Variants in CABLES2 observed in about 807,000 individuals in gnomAD.
CABLES2 encodes Cdk5 and Abl enzyme substrate 2.
CABLES2 carries 35 observed loss-of-function variants against 44.8 expected under a neutral mutation model. The ratio of observed to expected loss-of-function variants is 0.78; its 90% CI spans 0.60 to 1.04. The LOEUF (loss-of-function observed/expected upper bound fraction) is 1.04. Ranked by LOEUF, CABLES2 falls within the 50% of genes least tolerant of loss-of-function variation. The pLI is 0.00. For synonymous variants in CABLES2, 282 were observed against 281.1 expected, an observed-to-expected ratio of 1.00 and a Z score of -0.03; for missense variants, 566 against 615.7, an observed-to-expected ratio of 0.92 and a Z score of 0.85.
chr20:62,397,983 G>GT (rs1569017271), intron 1 of CABLES2, among the ~76,000 whole-genome samples: 1 of 68,668 alleles, frequency 1.5e-5, no homozygotes, highest in African/African-American at 7.3e-5. Context: ...AGTGGTGATG[G>GT]CGGTGGTGGT....
intron 1 of CABLES2, among the ~76,000 whole-genome samples, chr20:62,401,266 G>A (rs552034106): frequency 6.6e-6 from 1 of 152,348 alleles, no homozygotes; most frequent in Admixed American, 6.5e-5. Flanking sequence ...AGGGCAGGGC[G>A]GCCAAGTGGG....
chr20:62,397,487 C>A (rs1272324892), intron 1 of CABLES2, among the ~76,000 whole-genome samples: 1 of 152,206 alleles, frequency 6.6e-6, no homozygotes, highest in Non-Finnish European at 1.5e-5. Flanking sequence ...GTACAACGCA[C>A]TTCCTTGAAG....
chr20:62,398,228 G>C (rs1489896567), intron 1 of CABLES2, among the ~76,000 whole-genome samples: 1 of 146,642 alleles, frequency 6.8e-6, no homozygotes, highest in East Asian at 2.0e-4. Context: ...GGTGGTGGTG[G>C]TGACGGTGGT....
rs1165234593 is a variant in CABLES2 at position 62,394,994 on chromosome 20, T to C, written c.548A>G (p.Lys183Arg). The C allele has an allele frequency of 2.5e-6, 4 of 1,612,824 alleles. No individual in the cohort carries two copies. The highest frequency in any genetic ancestry group is 3.4e-6 in the Non-Finnish European group (4 of 1,179,938). The stretch of plus-strand genomic sequence containing the variant: ...CGAGAAGGCCGCGCACAGGGACCGC[T>C]TGGCACAGATGAGCACGATCCTGCA... ...RNSRIVLICA[K>R]RSLCAAFSVL... is the part of the protein sequence containing the mutation. The change falls in exon 4 of 10, where the codon AAG (lysine) becomes AGG (arginine). Residue 183 changes from lysine to arginine, a missense_variant. Lys to Arg is a conservative substitution (Grantham distance 26). This residue lies in a region of CABLES2 where 436 missense variants were observed against 536.3 expected (regional missense o/e 0.81). Coordinates refer to ENST00000279101, the MANE Select transcript of CABLES2 (RefSeq NM_031215.3).
Position 62,396,402 on chromosome 20 carries a change from T to G in CABLES2, c.440A>C (p.Lys147Thr), listed in dbSNP as rs1988020806. Reference protein sequence around the residue: ...AVGCAPAQRTKHTSGSPRHKG... With the variant: ...AVGCAPAQRTTHTSGSPRHKG... ...ATGTCTCGGTGATCCAGATGTGTGT[T>G]TGGTTCTGCAAGGCAAAGGACACAG... Residue 147 changes from lysine (K) to threonine (T), a missense_variant, in exon 3 of 10, where the codon AAA (lysine) becomes ACA (threonine). This residue lies in a region of CABLES2 where 436 missense variants were observed against 536.3 expected (regional missense o/e 0.81). Transcript: ENST00000279101. The surrounding 1 kb of genome is among the most constrained non-coding windows in gnomAD (Gnocchi z 5.7). 1 of 1,613,872 alleles carries G rather than the reference T, an allele frequency of 6.2e-7. No homozygotes were observed. The highest frequency in any genetic ancestry group is 8.5e-7 in the Non-Finnish European group (1 of 1,179,934).
rs369728164 is a variant in CABLES2 at position 62,390,741 on chromosome 20, G to C, written c.*230C>G. 6 of 565,824 alleles carry C rather than the reference G, an allele frequency of 1.1e-5. No individual in the cohort carries two copies. In the African/African-American group the frequency reaches 1.1e-4, roughly 11 times the overall value. 35.1% of individuals were successfully genotyped at this position (565,824 alleles called of 1,614,324 possible). Reference sequence around the variant, plus strand: ...ACATTTAGTTTATGTAAAAATGCAGGAGAATTCTCAGAAATCCCCTCGGAG... The same window carrying C: ...ACATTTAGTTTATGTAAAAATGCAGCAGAATTCTCAGAAATCCCCTCGGAG... On this transcript the variant is annotated 3_prime_UTR_variant, in exon 10 of 10. Coordinates refer to ENST00000279101, the MANE Select transcript of CABLES2 (RefSeq NM_031215.3).
In CABLES2 at chr20:62,393,096, C is replaced by T. The variant is rs528031562; in HGVS notation, c.881-73G>A. On this transcript the variant is annotated intron_variant, in intron 6 of 9. Transcript: ENST00000279101. ...CATCTAGCCCCAAGGCCTGGCAGGC[C>T]AGCGCCATGGCGGGGCAAGGCCGAG... The T allele has an allele frequency of 2.1e-4, 289 of 1,386,774 alleles. 1 individual carries two copies. In the African/African-American group the frequency reaches 3.5e-3, roughly 17 times the overall value. The allele number at this position is 1,386,774 out of a possible 1,614,324, so 85.9% of individuals were successfully genotyped here.
chr20:62,388,766 A>T lies in CABLES2; in HGVS notation c.*2205T>A. ...ACATCCACAACTGCTACCGGTGCGG[A>T]AGCAACGCCAGGCCTGGTTCTGTAT... On this transcript the variant is annotated 3_prime_UTR_variant, in exon 10 of 10. Coordinates refer to ENST00000279101, the MANE Select transcript of CABLES2 (RefSeq NM_031215.3). 1 of 471,706 alleles carries T rather than the reference A, an allele frequency of 2.1e-6. No homozygotes were observed. The highest frequency in any genetic ancestry group is 3.8e-6 in the Non-Finnish European group (1 of 261,788). The allele number at this position is 471,706 out of a possible 1,614,324, so 29.2% of individuals were successfully genotyped here.
rs1369021147 is a variant in CABLES2, at chr20:62,407,207, C to CGGCGGGT, written c.63_69dup (p.Ala24ThrfsTer135). ...GGGGCCCGAGCGGCCGAGGTCGGCG[C>CGGCGGGT]GGCGGGTGGCGGGGGCCCGGCGGGG... On this transcript the variant is annotated frameshift_variant, in exon 1 of 10. Coordinates refer to ENST00000279101, the MANE Select transcript of CABLES2 (RefSeq NM_031215.3). LOFTEE classifies it high-confidence loss of function. 8 of 972,968 alleles carry CGGCGGGT rather than the reference C, an allele frequency of 8.2e-6. No homozygotes were observed. Among genetic ancestry groups the CGGCGGGT allele is most frequent in the African/African-American group, 7.2e-5 (4 of 55,766 alleles). The allele number at this position is 972,968 out of a possible 1,614,324, so 60.3% of individuals were successfully genotyped here.
intron 4 of CABLES2, 88 bp from the exon 5 acceptor site, chr20:62,394,353 C>T: frequency 1.0e-6 from 1 of 995,472 alleles, no homozygotes; most frequent in Non-Finnish European, 1.6e-6. Context: ...GCCCGAGGTG[C>T]TCTCGGGAAC....
chr20:62,393,331 G>T, intron 6 of CABLES2, 109 bp downstream of exon 6: 1 of 1,182,130 alleles, frequency 8.5e-7, no homozygotes, highest in Non-Finnish European at 1.2e-6. Context: ...CCATCTGCAC[G>T]GAGGGCTACA....
chr20:62,400,887 C>T (rs981742501), intron 1 of CABLES2, among the ~76,000 whole-genome samples: 12 of 152,200 alleles, frequency 7.9e-5, no homozygotes, highest in African/African-American at 2.7e-4. Context: ...ACAGATCTTT[C>T]TCTGTAATTT....
intron 1 of CABLES2, among the ~76,000 whole-genome samples, chr20:62,399,240 A>ACGCCCGGCC (rs1988142625): frequency 2.0e-5 from 3 of 148,922 alleles, no homozygotes; most frequent in Middle Eastern, 3.5e-3. Flanking sequence ...GTGAGCCACC[A>ACGCCCGGCC]TATTTTATTT....
intron 1 of CABLES2, among the ~76,000 whole-genome samples, chr20:62,399,318 C>A (rs542701993): frequency 1.5e-4 from 23 of 151,908 alleles, no homozygotes; most frequent in Non-Finnish European, 1.5e-4. Context: ...GCCATCTTGG[C>A]TCATTGCAAG....
Position 62,396,702 on chromosome 20 carries a change from G to A in CABLES2, c.363-110C>T. 8.6e-7 allele frequency: 1 copy of A among 1,165,816 alleles called. No homozygotes were observed. Among genetic ancestry groups the A allele is most frequent in the East Asian group, 2.6e-5 (1 of 39,130 alleles). 72.2% of individuals were successfully genotyped at this position (1,165,816 alleles called of 1,614,324 possible). ...CAGGGAAGGGCCACTCTCCAGCCCA[G>A]CGGCGCACCCATGGGCCGAGGGGCT... On this transcript the variant is annotated intron_variant, in intron 1 of 9. Coordinates refer to ENST00000279101, the MANE Select transcript of CABLES2 (RefSeq NM_031215.3). The surrounding 1 kb of genome is among the most constrained non-coding windows in gnomAD (Gnocchi z 5.7).
At chr20:62,398,192 GA>G (rs1190901253) in intron 1 of CABLES2, among the ~76,000 whole-genome samples, 6 of 123,834 alleles carry the variant, frequency 4.8e-5, no homozygotes, top group Non-Finnish European at 7.3e-5. Context: ...TGGTGATGGT[GA>G]TGATGGTGGT....
chr20:62,398,319 C>CGGT (rs1569018051), intron 1 of CABLES2, among the ~76,000 whole-genome samples: 2 of 108,262 alleles, frequency 1.8e-5, no homozygotes, highest in Admixed American at 1.7e-4. Context: ...GTGGTGATGG[C>CGGT]AGTGGTGGTG....
chr20:62,406,887 G>T, intron 1 of CABLES2, 28 bp downstream of exon 1: 1 of 1,173,996 alleles, frequency 8.5e-7, no homozygotes, highest in Non-Finnish European at 1.1e-6. Flanking sequence ...CCCGCGTCCT[G>T]GGCTGACCTG....
intron 1 of CABLES2, among the ~76,000 whole-genome samples, chr20:62,398,190 G>A (rs1466402492): frequency 1.8e-4 from 20 of 113,504 alleles, no homozygotes; most frequent in Admixed American, 5.9e-4. Context: ...GGTGGTGATG[G>A]TGATGATGGT....
Sources: allele counts gnomAD v4.1 joint callset (sites outside exome capture counted in the v4.1 genomes callset), GRCh38; gene constraint gnomAD v4.1.1; regional missense constraint gnomAD v4.1.1; non-coding constraint Gnocchi (gnomAD v3.1); transcripts MANE v1.5; gene names NCBI Gene and HGNC (gene_info 2026-07-23, HGNC 2026-07-21).